The following CARMIL2 variants were observed in gnomAD, a reference collection of about 807,000 sequenced individuals.
CARMIL2 encodes the protein capping protein, Arp2/3 and myosin-I linker protein 2.
Under a neutral mutation model 173.3 loss-of-function variants are expected in CARMIL2, and 96 were observed. The ratio of observed to expected loss-of-function variants is 0.55; its 90% CI spans 0.47 to 0.66. The LOEUF (loss-of-function observed/expected upper bound fraction) is 0.66, where lower values mean the gene tolerates loss of function less well. Among genes scored for constraint, CARMIL2 ranks in the 30% least tolerant of loss-of-function variants. CARMIL2 has a pLI of 0.00. For synonymous variants in CARMIL2, 830 were observed against 817.1 expected (o/e 1.02, Z -0.27); for missense variants, 1,771 against 1,906.7 (o/e 0.93, Z 1.33).
In CARMIL2 at chr16:67,651,425, G is replaced by A. The variant is rs764482951; in HGVS notation, c.2338G>A (p.Gly780Arg). The A allele has an allele frequency of 1.9e-5, 31 of 1,591,646 alleles. No homozygotes were observed. The highest frequency in any genetic ancestry group is 2.3e-5 in the Non-Finnish European group (27 of 1,167,040). Residue 780 changes from glycine to arginine, a missense_variant, in exon 24 of 38, where the codon GGA becomes AGA. Gly to Arg is a moderately radical substitution (Grantham distance 125, BLOSUM62 -2). Transcript: ENST00000334583. This position sits in a 1 kb window ranked among gnomAD's most constrained non-coding sequence, Gnocchi z 4.2. ...GATTCTCCCCATTCTATATGAAGCT[G>A]GAAGCTCCCCAAGCCATCACTGGCA... ...LSILPILYEA[G>R]SSPSHHWQLG...
Position 67,651,254 on chromosome 16 carries a change from A to C in CARMIL2, c.2252A>C (p.Gln751Pro). Residue 751 changes from glutamine (Q) to proline (P), a missense_variant, in exon 23 of 38, where the codon CAG (glutamine) becomes CCG (proline). By Grantham distance (76) the Gln-to-Pro change is moderately conservative (BLOSUM62 -1). Around this residue, in one of 3 missense-constraint regions of CARMIL2, gnomAD observed 817 missense variants for 903.5 expected, o/e 0.90. Coordinates refer to ENST00000334583, the MANE Select transcript of CARMIL2 (RefSeq NM_001013838.3). This position sits in a 1 kb window ranked among gnomAD's most constrained non-coding sequence, Gnocchi z 4.2. ...VELLGCGAGP[Q>P]GEAAVRQAED... ...CTGCTGGGCTGTGGGGCTGGGCCCC[A>C]GGGTGAAGCCGCTGTGCGCCAGGCC... is the stretch of plus-strand genomic sequence containing the variant. 3 of 1,613,568 alleles carry C rather than the reference A, an allele frequency of 1.9e-6. No homozygotes were observed. The highest frequency in any genetic ancestry group is 2.5e-6 in the Non-Finnish European group (3 of 1,179,858).
chr16:67,654,076 C>CG (rs2052781834), intron 29 of CARMIL2, 73 bp from the exon 30 acceptor site: 2 of 928,316 alleles, frequency 2.2e-6, no homozygotes, highest in Non-Finnish European at 2.9e-6. Flanking sequence ...TCCAGGCTGC[C>CG]GGCCGGGGGG....
intron 33 of CARMIL2, 30 bp downstream of exon 33, chr16:67,656,097 A>AT (rs1567637181): frequency 1.2e-6 from 2 of 1,609,614 alleles, no homozygotes; most frequent in Non-Finnish European, 1.7e-6. Context: ...GTGGCAGTAC[A>AT]TTTGCCAGGA....
chr16:67,651,942 G>A lies in CARMIL2; in HGVS notation c.2610G>A (p.Thr870=), dbSNP rs1287199990. The A allele has an allele frequency of 1.9e-6, 3 of 1,613,448 alleles. No individual in the cohort carries two copies. Among genetic ancestry groups the A allele is most frequent in the Admixed American group, 3.3e-5 (2 of 60,008 alleles). ...TTAGGGACATGCGGCTATCAATCACGGGGACCTTGGCAGAGAGCATTGTGG... is the reference window on the plus strand; with the variant it reads ...TTAGGGACATGCGGCTATCAATCACAGGGACCTTGGCAGAGAGCATTGTGG... ...TRLRDMRLSI[T]GTLAESIVAQ... Residue 870 remains threonine (T), a synonymous_variant, in exon 26 of 38, where the codon ACG becomes ACA. Transcript: ENST00000334583. This position sits in a 1 kb window ranked among gnomAD's most constrained non-coding sequence, Gnocchi z 4.2.
At position 67,646,593 on chromosome 16, in the gene CARMIL2, C is replaced by G. The variant is rs1278121974; in HGVS notation, c.466+76C>G. On this transcript the variant is annotated intron_variant, in intron 6 of 37. Coordinates refer to ENST00000334583, the MANE Select transcript of CARMIL2 (RefSeq NM_001013838.3). The surrounding 1 kb of genome is among the most constrained non-coding windows in gnomAD (Gnocchi z 4.6). ...TCCCCAGACCCGCAAGCTGGGGGGGCCCCAAACTGAACAGAGCCATTCAGG... is the reference window on the plus strand; with the variant it reads ...TCCCCAGACCCGCAAGCTGGGGGGGGCCCAAACTGAACAGAGCCATTCAGG... The G allele has an allele frequency of 3.8e-6, 6 of 1,572,484 alleles. No homozygotes were observed. Among genetic ancestry groups the G allele is most frequent in the South Asian group, 3.4e-5 (3 of 89,478 alleles).
At position 67,656,013 on chromosome 16, in the gene CARMIL2, T is replaced by G; in HGVS notation, c.3706-18T>G. 1 of 1,582,108 alleles carries G rather than the reference T, an allele frequency of 6.3e-7. No individual in the cohort carries two copies. The highest frequency in any genetic ancestry group is 1.2e-5 in the South Asian group (1 of 86,636). ...GGGAGCGGGCAGGGCTGGAATCTGA[T>G]TGCCCTGTTTCCTGCAGAGCAAAGA... is the stretch of plus-strand genomic sequence containing the variant. On this transcript the variant is annotated intron_variant, in intron 32 of 37. Transcript: ENST00000334583.
Position 67,656,016 on chromosome 16 carries a change from C to T in CARMIL2, c.3706-15C>T, listed in dbSNP as rs751723749. ...AGCGGGCAGGGCTGGAATCTGATTG[C>T]CCTGTTTCCTGCAGAGCAAAGATGG... On this transcript the variant is annotated splice_polypyrimidine_tract_variant and intron_variant, in intron 32 of 37. Coordinates refer to ENST00000334583, the MANE Select transcript of CARMIL2 (RefSeq NM_001013838.3). The T allele has an allele frequency of 3.8e-6, 6 of 1,584,240 alleles. No homozygotes were observed. In the African/African-American group the frequency reaches 6.7e-5, roughly 18 times the overall value.
rs1381627392 is a variant in CARMIL2 at position 67,654,910 on chromosome 16, G to C, written c.3705+10G>C. On this transcript the variant is annotated intron_variant, in intron 32 of 37. Transcript: ENST00000334583. ...AGGCAAGAGGAAGCAAGTGAGTTGA[G>C]GGGACCTGAGCATGAAGTGAGAGGG... 2.5e-6 allele frequency: 4 copies of C among 1,613,316 alleles called. No individual in the cohort carries two copies. The highest frequency in any genetic ancestry group is 3.4e-6 in the Non-Finnish European group (4 of 1,179,784).
In CARMIL2 at chr16:67,651,485, G is replaced by T; in HGVS notation, c.2398G>T (p.Val800Leu). 1 of 1,597,102 alleles carries T rather than the reference G, an allele frequency of 6.3e-7. No individual in the cohort carries two copies. Among genetic ancestry groups the T allele is most frequent in the Admixed American group, 1.7e-5 (1 of 58,622 alleles). ...GQKLEGLLRQVGEVCRQDIQD... is the reference protein window; with the variant it reads ...GQKLEGLLRQLGEVCRQDIQD... ...GAAGCTGGAGGGCCTTCTGAGACAG[G>T]TGGGCGAGGTCTGCCGCCAGGACAT... The change falls in exon 24 of 38, where the codon GTG (valine) becomes TTG (leucine). Residue 800 changes from valine (V) to leucine (L), a missense_variant. By Grantham distance (32) the Val-to-Leu change is conservative. Coordinates refer to ENST00000334583, the MANE Select transcript of CARMIL2 (RefSeq NM_001013838.3). The surrounding 1 kb of genome is among the most constrained non-coding windows in gnomAD (Gnocchi z 4.2).
rs1407433489 is a variant in CARMIL2, at chr16:67,646,809, G to A, written c.537+25G>A. 3 of 1,613,392 alleles carry A rather than the reference G, an allele frequency of 1.9e-6. No homozygotes were observed. Among genetic ancestry groups the A allele is most frequent in the Admixed American group, 3.3e-5 (2 of 60,012 alleles). ...GGTGAGGGTAGGGCCCTTTTGAAGG[G>A]CTCTGGAGACATCTGGTCCCCCATG... is the stretch of plus-strand genomic sequence containing the variant. On this transcript the variant is annotated intron_variant, in intron 7 of 37. Coordinates refer to ENST00000334583, the MANE Select transcript of CARMIL2 (RefSeq NM_001013838.3). This position sits in a 1 kb window ranked among gnomAD's most constrained non-coding sequence, Gnocchi z 4.6.
rs774600152 is a variant in CARMIL2 at position 67,647,236 on chromosome 16, G to C, written c.687+45G>C. On this transcript the variant is annotated intron_variant, in intron 9 of 37. Transcript: ENST00000334583. ...GGGCAGGGAGGGGCCAAGGGTGTGG[G>C]CCAGGGTGCAGCCCGCTGAGGGCCA... The C allele has an allele frequency of 1.1e-5, 17 of 1,611,872 alleles. No homozygotes were observed. The South Asian group carries it at 1.5e-4, about 15-fold the overall frequency.
At chr16:67,647,806 G>GGGGGGGGGGGGGGC in intron 12 of CARMIL2, 40 bp downstream of exon 12, 2 of 570,050 alleles carry the variant, frequency 3.5e-6, no homozygotes, top group Non-Finnish European at 6.4e-6. Context: ...AGGGGGGTGG[G>GGGGGGGGGGGGGGC]GGTCTGTCCA....
Position 67,651,102 on chromosome 16 carries a change from C to A in CARMIL2, c.2185-85C>A. ...AGGGTGTCAGCTTCAGGACCTCCCT[C>A]TGTTAAAGAGCCTGGGAGGAAGGCA... On this transcript the variant is annotated intron_variant, in intron 22 of 37. Transcript: ENST00000334583. This position sits in a 1 kb window ranked among gnomAD's most constrained non-coding sequence, Gnocchi z 4.2. 1 of 1,503,792 alleles carries A rather than the reference C, an allele frequency of 6.6e-7. No homozygotes were observed. Among genetic ancestry groups the A allele is most frequent in the South Asian group, 1.2e-5 (1 of 80,890 alleles). The allele number at this position is 1,503,792 out of a possible 1,614,324, so 93.2% of individuals were successfully genotyped here.
At position 67,649,271 on chromosome 16, in the gene CARMIL2, T is replaced by A; in HGVS notation, c.1706T>A (p.Val569Asp). Reference protein sequence around the residue: ...NVRCKETLDDVLHRIVQLMQD... With the variant: ...NVRCKETLDDDLHRIVQLMQD... ...GCCCACAGGGAGACCCTGGACGACGTCCTGCACCGGATTGTCCAGCTCATG... is the reference window on the plus strand; with the variant it reads ...GCCCACAGGGAGACCCTGGACGACGACCTGCACCGGATTGTCCAGCTCATG... The change falls in exon 19 of 38, where the codon GTC becomes GAC. Residue 569 changes from valine (V) to aspartate (D), a missense_variant. By Grantham distance (152) the Val-to-Asp change is radical. Coordinates refer to ENST00000334583, the MANE Select transcript of CARMIL2 (RefSeq NM_001013838.3). The surrounding 1 kb of genome is among the most constrained non-coding windows in gnomAD (Gnocchi z 6.7). The A allele has an allele frequency of 6.2e-7, 1 of 1,613,250 alleles. No homozygotes were observed. The highest frequency in any genetic ancestry group is 8.5e-7 in the Non-Finnish European group (1 of 1,179,710).
Position 67,651,741 on chromosome 16 carries a change from G to A in CARMIL2, c.2484G>A (p.Gln828=), listed in dbSNP as rs1419717495. ...TARSLCPQML[Q]GSSWREQLEG... ...GGAGCCTCTGCCCACAGATGCTGCAGGGATCCAGCTGGAGGGAGCAGCTAG... is the reference window on the plus strand; with the variant it reads ...GGAGCCTCTGCCCACAGATGCTGCAAGGATCCAGCTGGAGGGAGCAGCTAG... The change falls in exon 25 of 38, where the codon CAG becomes CAA. Residue 828 remains glutamine, a synonymous_variant. Transcript: ENST00000334583. This position sits in a 1 kb window ranked among gnomAD's most constrained non-coding sequence, Gnocchi z 4.2. 6.2e-7 allele frequency: 1 copy of A among 1,606,992 alleles called. No individual in the cohort carries two copies. Among genetic ancestry groups the A allele is most frequent in the Non-Finnish European group, 8.5e-7 (1 of 1,177,420 alleles).
Position 67,646,357 on chromosome 16 carries a change from A to C in CARMIL2, c.374+47A>C. 4 of 1,608,640 alleles carry C rather than the reference A, an allele frequency of 2.5e-6. No homozygotes were observed. The highest frequency in any genetic ancestry group is 3.4e-6 in the Non-Finnish European group (4 of 1,176,368). Reference sequence around the variant, plus strand: ...GGGCTGGCAGGGGAGGAGGGAGTGCATGAGAAGGGCTGCTTCCCATCCCAG... The same window carrying C: ...GGGCTGGCAGGGGAGGAGGGAGTGCCTGAGAAGGGCTGCTTCCCATCCCAG... On this transcript the variant is annotated intron_variant, in intron 5 of 37. Coordinates refer to ENST00000334583, the MANE Select transcript of CARMIL2 (RefSeq NM_001013838.3). The surrounding 1 kb of genome is among the most constrained non-coding windows in gnomAD (Gnocchi z 4.6).
In CARMIL2 at chr16:67,651,675, C is replaced by A. The variant is rs1395637155; in HGVS notation, c.2428-10C>A. On this transcript the variant is annotated splice_polypyrimidine_tract_variant and intron_variant, in intron 24 of 37. Coordinates refer to ENST00000334583, the MANE Select transcript of CARMIL2 (RefSeq NM_001013838.3). The surrounding 1 kb of genome is among the most constrained non-coding windows in gnomAD (Gnocchi z 4.2). The stretch of plus-strand genomic sequence containing the variant: ...ACATCCTCACCATGCTCTGACTGAC[C>A]TTTGTCTAGGACTTCACTCAGGCCA... 5 of 1,604,608 alleles carry A rather than the reference C, an allele frequency of 3.1e-6. No homozygotes were observed. The highest frequency in any genetic ancestry group is 4.3e-6 in the Non-Finnish European group (5 of 1,176,272).
rs2052839565 is a variant in CARMIL2, at chr16:67,655,929, A to T, written c.3706-102A>T. The T allele has an allele frequency of 5.0e-6, 7 of 1,399,124 alleles. No homozygotes were observed. In the Admixed American group the frequency reaches 1.4e-4, roughly 29 times the overall value. The allele number at this position is 1,399,124 out of a possible 1,614,324, so 86.7% of individuals were successfully genotyped here. On this transcript the variant is annotated intron_variant, in intron 32 of 37. Coordinates refer to ENST00000334583, the MANE Select transcript of CARMIL2 (RefSeq NM_001013838.3). ...GGTTTGCCATGTTCTTGTCCAGCCC[A>T]TGGTGGGCATTCAGTGGCAGGATTA...
In CARMIL2 at chr16:67,649,978, C is replaced by T. The variant is rs1352651690; in HGVS notation, c.2082+10C>T. ...ACGTGCAGTCCATCAGGTGGGCGTC[C>T]CCCTCTTCCCTTGCCCTTCTCTGCA... On this transcript the variant is annotated intron_variant, in intron 21 of 37. Transcript: ENST00000334583. This position sits in a 1 kb window ranked among gnomAD's most constrained non-coding sequence, Gnocchi z 6.7. 7 of 1,613,234 alleles carry T rather than the reference C, an allele frequency of 4.3e-6. No homozygotes were observed. The highest frequency in any genetic ancestry group is 5.9e-6 in the Non-Finnish European group (7 of 1,179,690).
Sources: gnomAD v4.1 joint callset for allele counts on GRCh38, gnomAD v4.1.1 for gene constraint, gnomAD v4.1.1 regional missense constraint, Gnocchi (gnomAD v3.1) non-coding constraint, MANE v1.5 for transcripts, NCBI Gene and HGNC (gene_info 2026-07-23, HGNC 2026-07-21) for gene names.